Variants in ADD3 observed in about 807,000 individuals in gnomAD.
ADD3 encodes gamma-adducin.
ADD3 carries 25 observed loss-of-function variants against 80.2 expected under a neutral mutation model. The ratio of observed to expected loss-of-function variants is 0.31; its 90% CI spans 0.23 to 0.44. The LOEUF (loss-of-function observed/expected upper bound fraction) is 0.44, where lower values mean the gene tolerates loss of function less well. Among genes scored for constraint, ADD3 ranks in the 20% least tolerant of loss-of-function variants. ADD3 has a pLI of 1.00. For missense variants in ADD3, 829 were observed against 847.5 expected, an observed-to-expected ratio of 0.98 and a Z score of 0.27; for synonymous variants, 284 against 289.6, an observed-to-expected ratio of 0.98 and a Z score of 0.20.
chr10:110,006,393 A>AT (rs1186141591), upstream of ADD3, among the ~76,000 whole-genome samples: 1 of 152,066 alleles, frequency 6.6e-6, no homozygotes, highest in African/African-American at 2.4e-5. Context: ...AAAGCTTTTC[A>AT]TTTTTTTGCT....
At chr10:110,035,329 C>A (rs1855514507) in intron 1 of ADD3, among the ~76,000 whole-genome samples, 1 of 152,134 alleles carries the variant, frequency 6.6e-6, no homozygotes, top group South Asian at 2.1e-4. Context: ...TATCACCAAC[C>A]CCATCTATCT....
At chr10:110,007,186 G>C (rs1442760275), upstream of ADD3, among the ~76,000 whole-genome samples, 5 of 152,140 alleles carry the variant, frequency 3.3e-5, no homozygotes, top group African/African-American at 1.2e-4. Flanking sequence ...TCGACTTTTC[G>C]CCTCAAAGAA....
At chr10:110,063,738 TA>T (rs1375297503) in intron 1 of ADD3, among the ~76,000 whole-genome samples, 1,239 of 5,030 alleles carry the variant, frequency 0.25, 46 homozygotes, top group African/African-American at 0.34. Context: ...ATATATTCAT[TA>T]TATATATATA....
chr10:110,054,993 C>T (rs1415126615), intron 1 of ADD3, among the ~76,000 whole-genome samples: 1 of 152,096 alleles, frequency 6.6e-6, no homozygotes, highest in Admixed American at 6.6e-5. Flanking sequence ...GAACTCCTGA[C>T]CTCGTGATCC....
chr10:110,038,984 A>G (rs1855981465), intron 1 of ADD3, among the ~76,000 whole-genome samples: 2 of 152,304 alleles, frequency 1.3e-5, no homozygotes, highest in South Asian at 4.1e-4. Context: ...AGATACCTTT[A>G]TGTGTGTTTG....
intron 1 of ADD3, among the ~76,000 whole-genome samples, chr10:110,083,011 A>G (rs1846252118): frequency 6.6e-6 from 1 of 152,208 alleles, no homozygotes; most frequent in South Asian, 2.1e-4. Context: ...ATGAGTCAAG[A>G]GCCTTACTCA....
intron 2 of ADD3, among the ~76,000 whole-genome samples, chr10:110,111,867 C>A (rs1244139547): frequency 6.6e-6 from 1 of 151,496 alleles, no homozygotes; most frequent in African/African-American, 2.4e-5. Flanking sequence ...GAGTTGAGAT[C>A]GCGCCGTTGC....
upstream of ADD3, among the ~76,000 whole-genome samples, chr10:110,004,152 T>C (rs61881589): frequency 0.015 from 2,261 of 151,886 alleles, 19 homozygotes; most frequent in South Asian, 0.03. Flanking sequence ...TAAAAAGCCC[T>C]CCTTGCAGAG....
intron 9 of ADD3, 62 bp from the exon 10 acceptor site, chr10:110,123,955 G>C: frequency 6.6e-7 from 1 of 1,511,468 alleles, no homozygotes. Flanking sequence ...AAAGGAATTA[G>C]GATCCAAATG....
intron 1 of ADD3, among the ~76,000 whole-genome samples, chr10:110,047,375 A>T (rs930967561): frequency 2.6e-5 from 4 of 152,154 alleles, no homozygotes; most frequent in African/African-American, 4.8e-5. Context: ...ACTTTGGGCA[A>T]GTCACTTGGC....
rs1564682839 is a variant in ADD3, at chr10:110,134,360, A to ATGT, written c.*744_*746dup. On this transcript the variant is annotated 3_prime_UTR_variant, in exon 15 of 15. Transcript: ENST00000356080. ...AAAAAAAAAAAAATTTTGTATGTTG[A>ATGT]TGTTTGTATACCGTTCAGTATAAAA... is the stretch of plus-strand genomic sequence containing the variant. 1 of 151,894 alleles carries ATGT rather than the reference A, an allele frequency of 6.6e-6. No individual in the cohort carries two copies. Among genetic ancestry groups the ATGT allele is most frequent in the African/African-American group, 2.4e-5 (1 of 41,202 alleles). The allele number at this position is 151,894 out of a possible 1,614,324, so 9.4% of individuals were successfully genotyped here.
intron 8 of ADD3, chr10:110,121,866 A>G (rs992347137): frequency 3.0e-6 from 1 of 331,580 alleles, no homozygotes; most frequent in African/African-American, 2.1e-5. Flanking sequence ...ATATGTTAAG[A>G]GGTATGGCTC....
intron 1 of ADD3, among the ~76,000 whole-genome samples, chr10:110,038,276 G>A (rs1222792370): frequency 2.6e-5 from 4 of 151,866 alleles, no homozygotes; most frequent in African/African-American, 9.7e-5. Context: ...GAGGGTTTGT[G>A]TAACCAGGCT....
intron 1 of ADD3, among the ~76,000 whole-genome samples, chr10:110,099,016 C>T (rs1848496944): frequency 6.6e-6 from 1 of 151,714 alleles, no homozygotes; most frequent in Non-Finnish European, 1.5e-5. Flanking sequence ...ACCTCCTGGG[C>T]TCAAGGAATC....
intron 1 of ADD3, among the ~76,000 whole-genome samples, chr10:110,028,276 A>G (rs1421024779): frequency 1.3e-5 from 2 of 152,226 alleles, no homozygotes; most frequent in African/African-American, 4.8e-5. Flanking sequence ...GTAGAAGTAT[A>G]TTAAACAAAC....
At chr10:110,040,149 G>A (rs543538485) in intron 1 of ADD3, among the ~76,000 whole-genome samples, 3 of 152,252 alleles carry the variant, frequency 2.0e-5, no homozygotes, top group South Asian at 2.1e-4. Flanking sequence ...AAATACTCAT[G>A]CTGTTAGGTA....
intron 1 of ADD3, among the ~76,000 whole-genome samples, chr10:110,018,847 G>C (rs1853312978): frequency 1.3e-5 from 2 of 152,190 alleles, no homozygotes; most frequent in African/African-American, 2.4e-5. Context: ...GGAGGGGATG[G>C]AGTGGCAGTG....
chr10:110,063,496 A>G (rs1351753281), intron 1 of ADD3, among the ~76,000 whole-genome samples: 2 of 151,830 alleles, frequency 1.3e-5, no homozygotes, highest in African/African-American at 2.4e-5. Context: ...AAGAAATTGG[A>G]TACGAAAATG....
At chr10:110,022,776 A>C (rs775411936) in intron 1 of ADD3, among the ~76,000 whole-genome samples, 4 of 152,318 alleles carry the variant, frequency 2.6e-5, no homozygotes, top group Non-Finnish European at 5.9e-5. Flanking sequence ...CTCATTGGGG[A>C]GAAACAATTC....
Sources: allele counts gnomAD v4.1 joint callset (sites outside exome capture counted in the v4.1 genomes callset), GRCh38; gene constraint gnomAD v4.1.1; transcripts MANE v1.5; gene names NCBI Gene and HGNC (gene_info 2026-07-23, HGNC 2026-07-21).